Variants in ASAP1 observed in about 807,000 individuals in gnomAD.
ASAP1 encodes the protein ArfGAP with SH3 domain, ankyrin repeat and PH domain 1.
In ASAP1, 43 loss-of-function variants were observed where a neutral mutation model predicts 145.2. The observed-to-expected ratio is 0.30, with a 90% CI of 0.23 to 0.38. ASAP1 has a LOEUF of 0.38. Among genes scored for constraint, ASAP1 ranks in the 10% least tolerant of loss-of-function variants. The pLI, the probability that ASAP1 is intolerant of heterozygous loss-of-function variation, is 1.00. For synonymous variants in ASAP1, 546 were observed against 515.5 expected (o/e 1.06, Z -0.80); for missense variants, 1,018 against 1,355.3 (o/e 0.75, Z 3.91).
chr8:130,248,044 G>A (rs1818957699), intron 3 of ASAP1, among the ~76,000 whole-genome samples: 1 of 152,150 alleles, frequency 6.6e-6, no homozygotes, highest in South Asian at 2.1e-4. Context: ...GAGAGTGACT[G>A]ATTGGTAGAA....
At chr8:130,124,740 C>T (rs1009933181) in intron 17 of ASAP1, among the ~76,000 whole-genome samples, 2 of 152,110 alleles carry the variant, frequency 1.3e-5, no homozygotes, top group Non-Finnish European at 2.9e-5. Context: ...GCAACCATGT[C>T]TTTGAGGGAA....
chr8:130,066,395 G>A (rs1359879719), intron 27 of ASAP1, among the ~76,000 whole-genome samples: 1 of 152,212 alleles, frequency 6.6e-6, no homozygotes, highest in East Asian at 1.9e-4. Context: ...TAATTAAATA[G>A]AGACAGGGTC....
intron 4 of ASAP1, among the ~76,000 whole-genome samples, chr8:130,236,272 G>A (rs1187938138): frequency 6.6e-6 from 1 of 151,902 alleles, no homozygotes; most frequent in African/African-American, 2.4e-5. Context: ...ATGTTTCCAA[G>A]CTTCTCTTCT....
intron 3 of ASAP1, among the ~76,000 whole-genome samples, chr8:130,299,075 A>C (rs1370497725): frequency 2.0e-5 from 3 of 152,334 alleles, no homozygotes; most frequent in Non-Finnish European, 2.9e-5. Flanking sequence ...TGGGTAAAGA[A>C]GACAAGCTAA....
intron 24 of ASAP1, among the ~76,000 whole-genome samples, chr8:130,104,163 G>A (rs140862706): frequency 9.8e-5 from 15 of 152,310 alleles, no homozygotes; most frequent in South Asian, 8.3e-4. Flanking sequence ...AAGTACAGTA[G>A]AGGTTCCTCT....
intron 5 of ASAP1, among the ~76,000 whole-genome samples, chr8:130,191,009 G>T (rs1330659583): frequency 6.6e-6 from 1 of 151,466 alleles, no homozygotes; most frequent in Non-Finnish European, 1.5e-5. Context: ...CCATTAAAAA[G>T]ATGAGATATT....
chr8:130,285,197 T>C (rs1448968968), intron 3 of ASAP1, among the ~76,000 whole-genome samples: 1 of 152,084 alleles, frequency 6.6e-6, no homozygotes, highest in Non-Finnish European at 1.5e-5. Flanking sequence ...AAAAAAGTAT[T>C]AGTAAAATAA....
At chr8:130,155,518 C>T (rs2097656671) in intron 12 of ASAP1, among the ~76,000 whole-genome samples, 1 of 152,200 alleles carries the variant, frequency 6.6e-6, no homozygotes, top group Admixed American at 6.5e-5. Context: ...AAGCATGTGC[C>T]ACTACGCCTG....
At chr8:130,147,845 G>A (rs1173550413) in intron 13 of ASAP1, among the ~76,000 whole-genome samples, 1 of 152,186 alleles carries the variant, frequency 6.6e-6, no homozygotes, top group South Asian at 2.1e-4. Flanking sequence ...ACCCTTTTGA[G>A]TAAAACACCA....
At chr8:130,311,905 A>T (rs1823378980) in intron 3 of ASAP1, among the ~76,000 whole-genome samples, 1 of 152,102 alleles carries the variant, frequency 6.6e-6, no homozygotes, top group South Asian at 2.1e-4. Context: ...AAAAAAAAAT[A>T]GTAATTTGAA....
At chr8:130,273,105 T>C (rs1820678642) in intron 3 of ASAP1, among the ~76,000 whole-genome samples, 1 of 152,180 alleles carries the variant, frequency 6.6e-6, no homozygotes, top group African/African-American at 2.4e-5. Context: ...ATTTCACATG[T>C]ACCCCATAAA....
chr8:130,198,119 G>T (rs957282724), intron 5 of ASAP1, among the ~76,000 whole-genome samples: 1 of 151,060 alleles, frequency 6.6e-6, no homozygotes, highest in Admixed American at 6.6e-5. Flanking sequence ...ATTTAACTAG[G>T]TTTATTTTCA....
At chr8:130,316,594 T>G (rs2137603163) in intron 3 of ASAP1, among the ~76,000 whole-genome samples, 1 of 152,360 alleles carries the variant, frequency 6.6e-6, no homozygotes, top group East Asian at 1.9e-4. Flanking sequence ...AAAGCCCAAT[T>G]TTGCCCTTCC....
intron 2 of ASAP1, among the ~76,000 whole-genome samples, chr8:130,359,708 C>A (rs1264051171): frequency 6.6e-6 from 1 of 151,866 alleles, no homozygotes; most frequent in Non-Finnish European, 1.5e-5. Context: ...ACTGCAAGCT[C>A]CGCTTCCCGG....
At chr8:130,102,085 A>T (rs1004412201) in intron 24 of ASAP1, among the ~76,000 whole-genome samples, 11 of 152,066 alleles carry the variant, frequency 7.2e-5, no homozygotes, top group Admixed American at 7.2e-4. Context: ...GATGCCCTTT[A>T]TTGCATTCTC....
intron 1 of ASAP1, among the ~76,000 whole-genome samples, chr8:130,435,402 G>A (rs1830278753): frequency 6.6e-6 from 1 of 152,170 alleles, no homozygotes; most frequent in African/African-American, 2.4e-5. Context: ...AGGCACTAGG[G>A]ATTACAGAAA....
At chr8:130,432,846 C>G (rs915509494) in intron 1 of ASAP1, among the ~76,000 whole-genome samples, 2 of 152,202 alleles carry the variant, frequency 1.3e-5, no homozygotes, top group Non-Finnish European at 2.9e-5. Flanking sequence ...CACACCTAAC[C>G]CAATCACTGC....
intron 3 of ASAP1, among the ~76,000 whole-genome samples, chr8:130,237,781 C>G (rs751170787): frequency 1.3e-5 from 2 of 151,950 alleles, no homozygotes; most frequent in Non-Finnish European, 2.9e-5. Flanking sequence ...GTATGTGTAT[C>G]ACACTCCAAA....
chr8:130,375,254 A>T (rs975736695), intron 2 of ASAP1, among the ~76,000 whole-genome samples: 1 of 152,080 alleles, frequency 6.6e-6, no homozygotes, highest in African/African-American at 2.4e-5. Context: ...TAGGAGGATA[A>T]TGCGCCCTCC....
Sources: gnomAD v4.1 joint callset for allele counts (sites outside exome capture counted in the v4.1 genomes callset) on GRCh38, gnomAD v4.1.1 for gene constraint, MANE v1.5 for transcripts, NCBI Gene and HGNC (gene_info 2026-07-23, HGNC 2026-07-21) for gene names.